The following CAB39L variants were observed in gnomAD, a reference collection of about 807,000 sequenced individuals.
CAB39L encodes the protein calcium binding protein 39 like, also known as calcium-binding protein 39-like.
Under a neutral mutation model 39.1 loss-of-function variants are expected in CAB39L, and 23 were observed. The observed-to-expected ratio is 0.59, with a 90% confidence interval of 0.42 to 0.83. The LOEUF is 0.83. Among genes scored for constraint, CAB39L ranks in the 40% least tolerant of loss-of-function variants. The probability of loss-of-function intolerance (pLI) is 0.00; values close to 1 mark genes in which losing one functional copy is unlikely to be tolerated. For missense variants in CAB39L, 366 were observed against 391.9 expected (o/e 0.93, Z 0.56); for synonymous variants, 126 against 137.2 (o/e 0.92, Z 0.57).
chr13:49,378,565 C>T (rs1956161244), intron 4 of CAB39L, among the ~76,000 whole-genome samples: 4 of 73,788 alleles, frequency 5.4e-5, no homozygotes, highest in Admixed American at 1.0e-4. Flanking sequence ...ACCCGGCCAG[C>T]CGCCCCGTCC....
intron 3 of CAB39L, among the ~76,000 whole-genome samples, chr13:49,431,575 C>T (rs759233290): frequency 6.6e-6 from 1 of 151,974 alleles, no homozygotes; most frequent in Non-Finnish European, 1.5e-5. Flanking sequence ...GGCTTGGTGG[C>T]ACACTCCTGT....
chr13:49,420,283 A>G (rs1465861971), intron 3 of CAB39L: 4 of 152,226 alleles, frequency 2.6e-5, no homozygotes, highest in Non-Finnish European at 4.4e-5. Flanking sequence ...CTGAAAAATA[A>G]TGCATAAATA....
At chr13:49,424,365 A>T (rs1051378602) in intron 3 of CAB39L, among the ~76,000 whole-genome samples, 2 of 152,224 alleles carry the variant, frequency 1.3e-5, no homozygotes, top group African/African-American at 2.4e-5. Context: ...CAAATTGAGG[A>T]ACACTTTTAC....
intron 9 of CAB39L, among the ~76,000 whole-genome samples, chr13:49,339,125 CTTTTTTT>C (rs1215081648): frequency 1.0e-5 from 1 of 99,918 alleles, no homozygotes; most frequent in African/African-American, 4.4e-5. Flanking sequence ...TTTTACATGT[CTTTTTTT>C]TTTTTTTTTT....
At chr13:49,325,421 T>C (rs1315624295) in intron 10 of CAB39L, among the ~76,000 whole-genome samples, 1 of 152,254 alleles carries the variant, frequency 6.6e-6, no homozygotes, top group Non-Finnish European at 1.5e-5. Context: ...TAAATTCACT[T>C]GGTCTCAATT....
At chr13:49,413,465 T>G (rs1957031188) in intron 3 of CAB39L, among the ~76,000 whole-genome samples, 1 of 152,014 alleles carries the variant, frequency 6.6e-6, no homozygotes. Context: ...AGGAACAATA[T>G]CCCAGCATAG....
Position 49,344,798 on chromosome 13 carries a change from T to C in CAB39L, c.565-560A>G, listed in dbSNP as rs531302170. Among the ~76,000 whole-genome samples the C allele has an allele frequency of 2.0e-5, 3 of 152,236 alleles. No homozygotes were observed. The East Asian group carries it at 5.8e-4, about 29-fold the overall frequency. ...CGGCCTCCCAAAGTGCCTTAACCAC[T>C]TTTAAAATGGGCGCCTCGGATACTG... On this transcript the variant is annotated intron_variant, in intron 7 of 10. Transcript: ENST00000409308.
At chr13:49,362,089 T>C (rs529860584) in intron 5 of CAB39L, among the ~76,000 whole-genome samples, 3 of 151,960 alleles carry the variant, frequency 2.0e-5, no homozygotes, top group East Asian at 3.9e-4. Flanking sequence ...TAATATATGT[T>C]TTATAAAATG....
chr13:49,398,698 A>G (rs960362435), intron 3 of CAB39L, among the ~76,000 whole-genome samples: 11 of 152,086 alleles, frequency 7.2e-5, no homozygotes, highest in African/African-American at 2.7e-4. Context: ...TGCATTACTG[A>G]CTTTTAAATT....
intron 10 of CAB39L, among the ~76,000 whole-genome samples, chr13:49,328,461 T>C (rs1566064959): frequency 6.6e-6 from 1 of 152,224 alleles, no homozygotes; most frequent in South Asian, 2.1e-4. Context: ...CAGTTATATA[T>C]GTCACATTCT....
intron 3 of CAB39L, among the ~76,000 whole-genome samples, chr13:49,408,032 A>C (rs935547963): frequency 6.6e-6 from 1 of 152,178 alleles, no homozygotes; most frequent in Non-Finnish European, 1.5e-5. Context: ...GGCCATGATC[A>C]GAACTTTCTG....
At chr13:49,337,775 C>T (rs963285399) in intron 9 of CAB39L, among the ~76,000 whole-genome samples, 11 of 141,678 alleles carry the variant, frequency 7.8e-5, no homozygotes, top group Non-Finnish European at 1.5e-4. Context: ...CACACACACA[C>T]GCCTATCTCC....
chr13:49,371,189 CTT>C (rs386379129), intron 5 of CAB39L, among the ~76,000 whole-genome samples: 4 of 102,208 alleles, frequency 3.9e-5, no homozygotes, highest in South Asian at 3.2e-4. Flanking sequence ...CTTTTTCTTT[CTT>C]TTTTTTTTTT....
At chr13:49,332,145 A>C in intron 9 of CAB39L, 55 bp from the exon 10 acceptor site, 1 of 1,584,956 alleles carries the variant, frequency 6.3e-7, no homozygotes, top group Non-Finnish European at 8.6e-7. Context: ...GATTCAAAAT[A>C]TAGCTCACGT....
chr13:49,382,742 G>A, intron 4 of CAB39L, 58 bp downstream of exon 4: 1 of 1,012,052 alleles, frequency 9.9e-7, no homozygotes, highest in Admixed American at 1.8e-5. Context: ...CTTTTACATT[G>A]GTTTTTGGCA....
intron 10 of CAB39L, among the ~76,000 whole-genome samples, chr13:49,330,193 G>T (rs1329742934): frequency 6.6e-6 from 1 of 152,160 alleles, no homozygotes; most frequent in African/African-American, 2.4e-5. Context: ...TCCATATCAT[G>T]TTTTCTCTTT....
At chr13:49,346,162 T>C (rs1356969503) in intron 7 of CAB39L, among the ~76,000 whole-genome samples, 2 of 113,622 alleles carry the variant, frequency 1.8e-5, no homozygotes, top group Non-Finnish European at 3.5e-5. Flanking sequence ...ACATTCCCTC[T>C]CTCACGCCCA....
chr13:49,436,120 T>A (rs1270243383), intron 1 of CAB39L, among the ~76,000 whole-genome samples: 1 of 152,222 alleles, frequency 6.6e-6, no homozygotes, highest in African/African-American at 2.4e-5. Flanking sequence ...GTTCCATGGC[T>A]GTTTTGCTTT....
chr13:49,373,787 C>T (rs1205592158), intron 5 of CAB39L, among the ~76,000 whole-genome samples: 1 of 152,156 alleles, frequency 6.6e-6, no homozygotes, highest in African/African-American at 2.4e-5. Flanking sequence ...CCAGTGCAAG[C>T]CATGAACCAA....
Sources: allele counts gnomAD v4.1 joint callset (sites outside exome capture counted in the v4.1 genomes callset), GRCh38; gene constraint gnomAD v4.1.1; transcripts MANE v1.5; gene names NCBI Gene and HGNC (gene_info 2026-07-23, HGNC 2026-07-21).